Variants in ST8SIA4 observed in about 807,000 individuals in gnomAD.
ST8SIA4 encodes the protein ST8 alpha-N-acetyl-neuraminide alpha-2,8-sialyltransferase 4, also known as CMP-N-acetylneuraminate-poly-alpha-2,8-sialyltransferase.
In ST8SIA4, 15 loss-of-function variants were observed where a neutral mutation model predicts 33.9. The ratio of observed to expected loss-of-function variants is 0.44; its 90% CI spans 0.30 to 0.68. The LOEUF (loss-of-function observed/expected upper bound fraction) is 0.68. Among genes scored for constraint, ST8SIA4 ranks in the 30% least tolerant of loss-of-function variants. The pLI is 0.10. For missense variants in ST8SIA4, 321 were observed against 428.0 expected, an observed-to-expected ratio of 0.75 and a Z score of 2.21; for synonymous variants, 171 against 151.2, an observed-to-expected ratio of 1.13 and a Z score of -0.96.
At chr5:100,854,407 C>T (rs1189389471) in intron 4 of ST8SIA4, among the ~76,000 whole-genome samples, 1 of 151,972 alleles carries the variant, frequency 6.6e-6, no homozygotes, top group Non-Finnish European at 1.5e-5. Context: ...GACGGTGAAA[C>T]CCCATCTCTA....
Position 100,863,508 on chromosome 5 carries a change from A to G in ST8SIA4, c.504-7112T>C, listed in dbSNP as rs556307517. Among the ~76,000 whole-genome samples the G allele has an allele frequency of 1.5e-3, 236 of 152,304 alleles. 3 individuals carry two copies. The highest frequency in any genetic ancestry group is 3.4e-3 in the Middle Eastern group (1 of 294). ...TGAAAATGAGAAGTAAAATCCACTC[A>G]TGGAGTTTAATTTTAAAATAAATAT... On this transcript the variant is annotated intron_variant, in intron 3 of 4. Coordinates refer to ENST00000231461, the MANE Select transcript of ST8SIA4 (RefSeq NM_005668.6).
At chr5:100,819,957 A>G (rs1223653356) in intron 4 of ST8SIA4, among the ~76,000 whole-genome samples, 1 of 152,168 alleles carries the variant, frequency 6.6e-6, no homozygotes, top group Non-Finnish European at 1.5e-5. Context: ...CTGGTATTTT[A>G]GAGATTTGTA....
intron 3 of ST8SIA4, among the ~76,000 whole-genome samples, chr5:100,881,834 A>G (rs1451712881): frequency 6.6e-6 from 1 of 152,154 alleles, no homozygotes. Flanking sequence ...CCGCTTTTGC[A>G]TCTTCCCCAG....
At chr5:100,897,598 T>C (rs139864132) in intron 1 of ST8SIA4, among the ~76,000 whole-genome samples, 2 of 152,326 alleles carry the variant, frequency 1.3e-5, no homozygotes, top group Non-Finnish European at 2.9e-5. Context: ...AATGGAAACA[T>C]TGCCTGTGTA....
rs75912490 is a variant in ST8SIA4 at position 100,849,873 on chromosome 5, G to C, written c.797+6230C>G. ...TTGTAGGGCATGAGATGTTTACCAA[G>C]TATTTCTAATAAAAACAAAAATTCT... On this transcript the variant is annotated intron_variant, in intron 4 of 4. Transcript: ENST00000231461. Among the ~76,000 whole-genome samples, 395 of 152,172 alleles carry C rather than the reference G, an allele frequency of 2.6e-3. 5 individuals carry two copies. In the East Asian group the frequency reaches 0.029, roughly 11 times the overall value.
chr5:100,840,328 CTATT>C (rs1751446887), intron 4 of ST8SIA4, among the ~76,000 whole-genome samples: 1 of 151,462 alleles, frequency 6.6e-6, no homozygotes, highest in Admixed American at 6.6e-5. Context: ...GTATGTGTGT[CTATT>C]TATATATATG....
At position 100,881,658 on chromosome 5, in the gene ST8SIA4, GC is replaced by G. The variant is rs561564671; in HGVS notation, c.503+4684del. On this transcript the variant is annotated intron_variant, in intron 3 of 4. Transcript: ENST00000231461. ...TGAGGTTCTCACTTGATATAGTTTA[GC>G]TGGGTCCCCACCCAAATCTCATCTT... 1.3e-4 allele frequency among the ~76,000 whole-genome samples: 20 copies of G among 152,268 alleles called. No individual in the cohort carries two copies. The South Asian group carries it at 3.3e-3, about 25-fold the overall frequency.
In ST8SIA4 at chr5:100,902,930, G is replaced by C; in HGVS notation, c.26C>G (p.Thr9Arg). ...CAGGAGCAGACTTATTGTGCAGATC[G>C]TCCACCTCTTCCTAATGGAGCGCAT... MRSIRKRWTICTISLLLIF... is the reference protein window; with the variant it reads MRSIRKRWRICTISLLLIF... Residue 9 changes from threonine (T) to arginine (R), a missense_variant, in exon 1 of 5, where the codon ACG becomes AGG. Physicochemically the swap from Thr to Arg is moderately conservative, Grantham distance 71. Coordinates refer to ENST00000231461, the MANE Select transcript of ST8SIA4 (RefSeq NM_005668.6). The C allele has an allele frequency of 1.2e-6, 2 of 1,614,044 alleles. No individual in the cohort carries two copies. Among genetic ancestry groups the C allele is most frequent in the Non-Finnish European group, 1.7e-6 (2 of 1,180,000 alleles).
intron 2 of ST8SIA4, among the ~76,000 whole-genome samples, chr5:100,890,377 AAAC>A (rs372921695): frequency 2.6e-5 from 4 of 151,958 alleles, no homozygotes; most frequent in African/African-American, 4.8e-5. Context: ...AACTGAACTG[AAAC>A]AACAACATGT....
At chr5:100,860,475 C>G (rs539889146) in intron 3 of ST8SIA4, among the ~76,000 whole-genome samples, 9 of 152,276 alleles carry the variant, frequency 5.9e-5, no homozygotes, top group Admixed American at 2.0e-4. Flanking sequence ...TTTTCTTAGA[C>G]TTTCTGATTA....
chr5:100,869,048 G>C (rs1580472411), intron 3 of ST8SIA4, among the ~76,000 whole-genome samples: 1 of 151,996 alleles, frequency 6.6e-6, no homozygotes, highest in South Asian at 2.1e-4. Context: ...AAAGCAATTT[G>C]GACACCGTTA....
chr5:100,877,599 T>C (rs1455007989), intron 3 of ST8SIA4, among the ~76,000 whole-genome samples: 1 of 152,162 alleles, frequency 6.6e-6, no homozygotes, highest in African/African-American at 2.4e-5. Context: ...AATTTTGTAT[T>C]TTCAAGGGTT....
intron 3 of ST8SIA4, among the ~76,000 whole-genome samples, chr5:100,884,051 T>G (rs1752485191): frequency 2.0e-5 from 3 of 152,164 alleles, no homozygotes; most frequent in Non-Finnish European, 4.4e-5. Context: ...ATAAAGAATC[T>G]AGGAGCCACA....
intron 4 of ST8SIA4, among the ~76,000 whole-genome samples, chr5:100,847,557 A>G (rs1751595088): frequency 6.6e-6 from 1 of 152,140 alleles, no homozygotes; most frequent in Non-Finnish European, 1.5e-5. Context: ...CTAACATTTG[A>G]GAAATGATAT....
At chr5:100,857,334 G>T (rs898638203) in intron 3 of ST8SIA4, among the ~76,000 whole-genome samples, 1 of 151,560 alleles carries the variant, frequency 6.6e-6, no homozygotes, top group Admixed American at 6.6e-5. Flanking sequence ...ATGCTTCTTT[G>T]ATCGGTCACA....
chr5:100,860,332 T>C (rs1751909352), intron 3 of ST8SIA4, among the ~76,000 whole-genome samples: 1 of 152,198 alleles, frequency 6.6e-6, no homozygotes, highest in Non-Finnish European at 1.5e-5. Flanking sequence ...GAAACACCTT[T>C]GTCAATCCAC....
chr5:100,841,165 G>A (rs781001043), intron 4 of ST8SIA4, among the ~76,000 whole-genome samples: 4 of 151,858 alleles, frequency 2.6e-5, no homozygotes, highest in Non-Finnish European at 5.9e-5. Flanking sequence ...TAGTTGCATA[G>A]CTGTTTACTC....
chr5:100,835,320 T>C (rs1346636626), intron 4 of ST8SIA4, among the ~76,000 whole-genome samples: 1 of 152,118 alleles, frequency 6.6e-6, no homozygotes, highest in Non-Finnish European at 1.5e-5. Context: ...TTGAAAGAGG[T>C]TGTCATTTTT....
chr5:100,822,293 G>A (rs1189995148), intron 4 of ST8SIA4, among the ~76,000 whole-genome samples: 1 of 152,140 alleles, frequency 6.6e-6, no homozygotes, highest in Non-Finnish European at 1.5e-5. Flanking sequence ...ATTTTAGGCA[G>A]AATCACTTAA....
Sources: allele counts gnomAD v4.1 joint callset (sites outside exome capture counted in the v4.1 genomes callset), GRCh38; gene constraint gnomAD v4.1.1; transcripts MANE v1.5; gene names NCBI Gene and HGNC (gene_info 2026-07-23, HGNC 2026-07-21).